Variants in ABHD2 observed in about 807,000 individuals in gnomAD.
ABHD2 encodes the protein abhydrolase domain containing 2, acylglycerol lipase.
A neutral mutation model predicts 48.1 loss-of-function variants in ABHD2; 20 were observed. The observed-to-expected ratio is 0.42, with a 90% confidence interval of 0.29 to 0.60. The LOEUF (loss-of-function observed/expected upper bound fraction) is 0.60, where lower values mean the gene tolerates loss of function less well. Ranked by LOEUF, ABHD2 falls within the 20% of genes least tolerant of loss-of-function variation. The probability of loss-of-function intolerance (pLI) is 0.24; values close to 1 mark genes in which losing one functional copy is unlikely to be tolerated. For synonymous variants in ABHD2, 209 were observed against 214.2 expected (o/e 0.98, Z 0.21); for missense variants, 405 against 550.9 (o/e 0.74, Z 2.65).
At position 89,201,875 on chromosome 15, in the gene ABHD2, G is replaced by A. The variant is rs1194829941; in HGVS notation, c.*6452G>A. On this transcript the variant is annotated 3_prime_UTR_variant, in exon 11 of 11. Transcript: ENST00000352732. ...GGACGATGGCGAGAGGGGAGGGGGA[G>A]CGAGTTCGCATCTCTCCTTTTCCTG... is the stretch of plus-strand genomic sequence containing the variant. 4.2e-6 allele frequency: 3 copies of A among 715,202 alleles called. No homozygotes were observed. In the Admixed American group the frequency reaches 7.1e-5, roughly 17 times the overall value. 44.3% of individuals were successfully genotyped at this position (715,202 alleles called of 1,614,324 possible). A position where few individuals can be genotyped will look rare whatever the true frequency, so the allele number is the denominator to read the frequency against.
In ABHD2 at chr15:89,150,089, T is replaced by G. The variant is rs2050566726; in HGVS notation, c.195-1588T>G. ...ACAAAAAGAAATTTTACTTCATTCT[T>G]TTGTTCTATTTTCTGAGATTATATT... On this transcript the variant is annotated intron_variant, in intron 3 of 10. Transcript: ENST00000352732. 2.6e-5 allele frequency among the ~76,000 whole-genome samples: 4 copies of G among 152,356 alleles called. No individual in the cohort carries two copies. In the South Asian group the frequency reaches 8.3e-4, roughly 32 times the overall value.
At chr15:89,135,689 G>A in intron 3 of ABHD2, 3 of 1,480,950 alleles carry the variant, frequency 2.0e-6, no homozygotes, top group Non-Finnish European at 2.8e-6. Flanking sequence ...AGCCCGATAT[G>A]CAGCAATATC....
At chr15:89,073,154 A>G in the ABHD2 span, among the ~76,000 whole-genome samples, 1 of 152,140 alleles carries the variant, frequency 6.6e-6, no homozygotes, top group Non-Finnish European at 1.5e-5. Context: ...CAAAGAATAT[A>G]CTCAGAAAAT....
At chr15:89,134,667 A>G (rs904890060) in intron 3 of ABHD2, among the ~76,000 whole-genome samples, 5 of 152,092 alleles carry the variant, frequency 3.3e-5, no homozygotes, top group Admixed American at 6.6e-5. Context: ...TAAAAATCTT[A>G]TTATTTTTAT....
chr15:89,121,467 T>C (rs1003949696), intron 3 of ABHD2, among the ~76,000 whole-genome samples: 3 of 152,120 alleles, frequency 2.0e-5, no homozygotes, highest in African/African-American at 7.2e-5. Context: ...GCTTTTTTTT[T>C]TTTAAGTACT....
Position 89,195,075 on chromosome 15 carries a change from T to C in ABHD2, c.1082-152T>C, listed in dbSNP as rs532569175. 94 of 817,354 alleles carry C rather than the reference T, an allele frequency of 1.2e-4. 2 individuals are homozygous for C. In the South Asian group the frequency reaches 1.6e-3, roughly 13 times the overall value. 50.6% of individuals were successfully genotyped at this position (817,354 alleles called of 1,614,324 possible). On this transcript the variant is annotated intron_variant, in intron 10 of 10. Transcript: ENST00000352732. This position sits in a 1 kb window ranked among gnomAD's most constrained non-coding sequence, Gnocchi z 5.1. ...ATGCCACTGTCTTGCCTGCCCCCTC[T>C]TTGGTGAACAAGGCAGAGTGAGTAG...
upstream of ABHD2, among the ~76,000 whole-genome samples, chr15:89,086,893 G>A (rs958135158): frequency 6.6e-6 from 1 of 152,164 alleles, no homozygotes; most frequent in African/African-American, 2.4e-5. Context: ...TCTTTTCCAA[G>A]ATGAAAGAGA....
chr15:89,128,609 C>T (rs538656427), intron 3 of ABHD2, among the ~76,000 whole-genome samples: 13 of 152,298 alleles, frequency 8.5e-5, no homozygotes, highest in Non-Finnish European at 1.8e-4. Flanking sequence ...ATGTTTGGCC[C>T]TGCTACCCAG....
Position 89,182,431 on chromosome 15 carries a change from G to A in ABHD2, c.723-2993G>A, listed in dbSNP as rs902909800. 3.9e-5 allele frequency among the ~76,000 whole-genome samples: 6 copies of A among 152,178 alleles called. No homozygotes were observed. Among genetic ancestry groups the A allele is most frequent in the African/African-American group, 1.2e-4 (5 of 41,458 alleles). ...ACCAATATCTGGCCCAGCCTGGGGA[G>A]CAGTTCCTGCCACCCCTTCTCTCTT... On this transcript the variant is annotated intron_variant, in intron 6 of 10. Transcript: ENST00000352732. This position sits in a 1 kb window ranked among gnomAD's most constrained non-coding sequence, Gnocchi z 4.8.
Position 89,188,186 on chromosome 15 carries a change from G to T in ABHD2, c.816-7G>T, listed in dbSNP as rs771760672. On this transcript the variant is annotated splice_region_variant and splice_polypyrimidine_tract_variant and intron_variant, in intron 7 of 10. Transcript: ENST00000352732. The surrounding 1 kb of genome is among the most constrained non-coding windows in gnomAD (Gnocchi z 4.1). ...TTAATCTCTGTTTGCTTTTGTGTTTGCTCTAGGCAAGCTCTTTTTGGAGAC... is the reference window on the plus strand; with the variant it reads ...TTAATCTCTGTTTGCTTTTGTGTTTTCTCTAGGCAAGCTCTTTTTGGAGAC... 8 of 1,613,110 alleles carry T rather than the reference G, an allele frequency of 5.0e-6. No homozygotes were observed. Among genetic ancestry groups the T allele is most frequent in the African/African-American group, 2.7e-5 (2 of 74,894 alleles).
At chr15:89,142,887 C>A (rs572309732) in intron 3 of ABHD2, among the ~76,000 whole-genome samples, 1 of 152,216 alleles carries the variant, frequency 6.6e-6, no homozygotes, top group East Asian at 1.9e-4. Flanking sequence ...GGGGTTGAAC[C>A]CAGTGACATT....
chr15:89,043,555 G>A, the ABHD2 span, among the ~76,000 whole-genome samples: 1 of 149,222 alleles, frequency 6.7e-6, no homozygotes, highest in East Asian at 2.0e-4. Flanking sequence ...GAGGAAGGAG[G>A]AGGAGAGGAA....
chr15:89,181,316 C>G (rs2051111341), intron 6 of ABHD2, among the ~76,000 whole-genome samples: 1 of 150,614 alleles, frequency 6.6e-6, no homozygotes, highest in Non-Finnish European at 1.5e-5. Context: ...TGTATATAGG[C>G]AAAACCTGGA....
the ABHD2 span, among the ~76,000 whole-genome samples, chr15:89,066,451 T>C: frequency 1.3e-5 from 2 of 152,200 alleles, no homozygotes; most frequent in African/African-American, 4.8e-5. Context: ...GGGCCTACCT[T>C]AATCCAGTAT....
rs763818608 is a variant in ABHD2, at chr15:89,116,315, T to C, written c.-6-7T>C. ...TGTAAACTTAGACCTGTGCCTCTGC[T>C]CCCCAGATCAAGATGAATGCCATGC... On this transcript the variant is annotated splice_polypyrimidine_tract_variant and splice_region_variant and intron_variant, in intron 2 of 10. Coordinates refer to ENST00000352732, the MANE Select transcript of ABHD2 (RefSeq NM_152924.5). The surrounding 1 kb of genome is among the most constrained non-coding windows in gnomAD (Gnocchi z 4.6). 1.2e-6 allele frequency: 2 copies of C among 1,610,536 alleles called. No individual in the cohort carries two copies. The highest frequency in any genetic ancestry group is 2.2e-5 in the East Asian group (1 of 44,808).
Position 89,201,564 on chromosome 15 carries a change from A to G in ABHD2, c.*6141A>G, listed in dbSNP as rs974711174. The G allele has an allele frequency of 1.3e-6, 2 of 1,597,552 alleles. No homozygotes were observed. Among genetic ancestry groups the G allele is most frequent in the Non-Finnish European group, 1.7e-6 (2 of 1,165,110 alleles). ...ATTCGGATCATAGTCAAAGGGCTGT[A>G]GCATTACTGAAACAGTCACAGTTGA... On this transcript the variant is annotated 3_prime_UTR_variant, in exon 11 of 11. Coordinates refer to ENST00000352732, the MANE Select transcript of ABHD2 (RefSeq NM_152924.5).
At chr15:89,086,105 G>A (rs1362548088), upstream of ABHD2, among the ~76,000 whole-genome samples, 1 of 151,834 alleles carries the variant, frequency 6.6e-6, no homozygotes, top group Non-Finnish European at 1.5e-5. Context: ...CAATCTCACT[G>A]CAGCCTCTGC....
chr15:89,127,708 T>TAC (rs2050152588), intron 3 of ABHD2, among the ~76,000 whole-genome samples: 5 of 88,446 alleles, frequency 5.7e-5, no homozygotes, highest in African/African-American at 3.2e-4. Flanking sequence ...TATATATACA[T>TAC]ATATATATAT....
chr15:89,089,153 G>A (rs1901490209), intron 1 of ABHD2, among the ~76,000 whole-genome samples: 1 of 152,266 alleles, frequency 6.6e-6, no homozygotes, highest in Non-Finnish European at 1.5e-5. Flanking sequence ...CAGCAGCGCA[G>A]GAGGCTGCCT....
Sources: allele counts gnomAD v4.1 joint callset (sites outside exome capture counted in the v4.1 genomes callset), GRCh38; gene constraint gnomAD v4.1.1; non-coding constraint Gnocchi (gnomAD v3.1); transcripts MANE v1.5; gene names NCBI Gene and HGNC (gene_info 2026-07-23, HGNC 2026-07-21).